Variants in DACH1 observed in about 807,000 individuals in gnomAD.
DACH1 encodes the protein dachshund family transcription factor 1, also known as dachshund homolog 1.
In DACH1, 12 loss-of-function variants were observed where a neutral mutation model predicts 54.2. The ratio of observed to expected loss-of-function variants is 0.22; its 90% confidence interval spans 0.14 to 0.36. The LOEUF (loss-of-function observed/expected upper bound fraction) is 0.36, where lower values mean the gene tolerates loss of function less well. Ranked by LOEUF, DACH1 falls within the 10% of genes least tolerant of loss-of-function variation. DACH1 has a pLI of 1.00. For synonymous variants in DACH1, 386 were observed against 366.2 expected, an observed-to-expected ratio of 1.05 and a Z score of -0.62; for missense variants, 805 against 929.8, an observed-to-expected ratio of 0.87 and a Z score of 1.75.
intron 1 of DACH1, among the ~76,000 whole-genome samples, chr13:71,800,408 C>T (rs938443984): frequency 6.6e-6 from 1 of 152,060 alleles, no homozygotes; most frequent in African/African-American, 2.4e-5. Flanking sequence ...GTTTTTAGAT[C>T]AGCACTCTCT....
At chr13:71,473,046 A>G (rs1212199209) in intron 10 of DACH1, among the ~76,000 whole-genome samples, 1 of 152,174 alleles carries the variant, frequency 6.6e-6, no homozygotes, top group Non-Finnish European at 1.5e-5. Flanking sequence ...CTGCTGGTAA[A>G]ATATCTTTTA....
rs564820799 is a variant in DACH1 at position 71,845,687 on chromosome 13, G to C, written c.848+20235C>G. On this transcript the variant is annotated intron_variant, in intron 1 of 10. Coordinates refer to ENST00000613252, the MANE Select transcript of DACH1 (RefSeq NM_080759.6). ...GATGGAATTGTGAAATAAGTATGGA[G>C]AGTGAACTAGAATTTGTCAAGAAAG... is the stretch of plus-strand genomic sequence containing the variant. Among the ~76,000 whole-genome samples the C allele has an allele frequency of 2.2e-4, 33 of 152,326 alleles. No individual in the cohort carries two copies. In the South Asian group the frequency reaches 6.4e-3, roughly 30 times the overall value.
chr13:71,703,769 A>G (rs1029191947), intron 1 of DACH1, among the ~76,000 whole-genome samples: 34 of 152,182 alleles, frequency 2.2e-4, no homozygotes, highest in African/African-American at 8.2e-4. Context: ...TTAATTCTGC[A>G]TTCACCCTTA....
intron 1 of DACH1, among the ~76,000 whole-genome samples, chr13:71,707,189 G>A (rs1882492404): frequency 6.6e-6 from 1 of 152,208 alleles, no homozygotes; most frequent in African/African-American, 2.4e-5. Flanking sequence ...CAGTAAGCAT[G>A]CTGTGTAAAT....
At chr13:71,641,666 T>C (rs1313692728) in intron 2 of DACH1, among the ~76,000 whole-genome samples, 1 of 152,140 alleles carries the variant, frequency 6.6e-6, no homozygotes, top group Non-Finnish European at 1.5e-5. Context: ...TGAGTTGTGG[T>C]CCATAGTCTC....
intron 4 of DACH1, among the ~76,000 whole-genome samples, chr13:71,571,855 G>C (rs142478740): frequency 0.015 from 2,266 of 151,388 alleles, 33 homozygotes; most frequent in African/African-American, 0.036. Flanking sequence ...CCTGCCTCAG[G>C]CTTCCGAGTA....
chr13:71,558,174 AC>A (rs1481243659), intron 5 of DACH1, among the ~76,000 whole-genome samples: 2 of 152,094 alleles, frequency 1.3e-5, no homozygotes, highest in East Asian at 3.8e-4. Flanking sequence ...TGACAGAAGC[AC>A]TAGGTGACAT....
chr13:71,731,890 T>C (rs1883766801), intron 1 of DACH1, among the ~76,000 whole-genome samples: 3 of 152,208 alleles, frequency 2.0e-5, no homozygotes, highest in Admixed American at 6.5e-5. Flanking sequence ...TCTGAGATCA[T>C]TTCAATACTC....
intron 1 of DACH1, among the ~76,000 whole-genome samples, chr13:71,748,899 T>TTTCTTTCTTTCC (rs1352890579): frequency 2.2e-3 from 34 of 15,394 alleles, no homozygotes; most frequent in African/African-American, 3.8e-3. Flanking sequence ...TCTTTCTTTC[T>TTTCTTTCTTTCC]CTTTCTTTCT....
At chr13:71,865,311 G>T (rs368793030) in intron 1 of DACH1, among the ~76,000 whole-genome samples, 6 of 152,148 alleles carry the variant, frequency 3.9e-5, no homozygotes, top group Non-Finnish European at 8.8e-5. Context: ...TCAGCTTCGC[G>T]GGTCATTTCC....
chr13:71,579,588 T>A (rs1213350638), intron 3 of DACH1, among the ~76,000 whole-genome samples: 1 of 152,118 alleles, frequency 6.6e-6, no homozygotes, highest in Non-Finnish European at 1.5e-5. Context: ...ATTAGGAAGC[T>A]GAAAATAGAC....
chr13:71,594,282 C>A (rs1299570499), intron 3 of DACH1, among the ~76,000 whole-genome samples: 2 of 151,806 alleles, frequency 1.3e-5, no homozygotes, highest in Admixed American at 6.6e-5. Context: ...AGGAATATAT[C>A]ATTAATTCTT....
At chr13:71,703,364 C>A (rs1483931119) in intron 1 of DACH1, among the ~76,000 whole-genome samples, 2 of 152,130 alleles carry the variant, frequency 1.3e-5, no homozygotes, top group East Asian at 3.9e-4. Context: ...CTGACATGGA[C>A]CAACATAGAT....
Position 71,866,485 on chromosome 13 carries a change from A to G in DACH1, c.285T>C (p.Gly95=), listed in dbSNP as rs1303377095. The G allele has an allele frequency of 6.5e-6, 8 of 1,226,496 alleles. No homozygotes were observed. The highest frequency in any genetic ancestry group is 8.1e-6 in the Non-Finnish European group (8 of 983,542). 76.0% of individuals were successfully genotyped at this position (1,226,496 alleles called of 1,614,324 possible). ...AGTTGCTGCCACCGCCGCCGCCGCCACCGCCGCCTCCGTTGCCGCTGCTGC... is the reference window on the plus strand; with the variant it reads ...AGTTGCTGCCACCGCCGCCGCCGCCGCCGCCGCCTCCGTTGCCGCTGCTGC... The part of the protein sequence containing the change: ...GGGSSGNGGG[G]GGGGGGSNCN... The change falls in exon 1 of 11, where the codon GGT becomes GGC. Residue 95 remains glycine, a synonymous_variant. Transcript: ENST00000613252.
rs541104815 is a variant in DACH1 at position 71,845,231 on chromosome 13, T to C, written c.848+20691A>G. On this transcript the variant is annotated intron_variant, in intron 1 of 10. Transcript: ENST00000613252. ...ATCCCATAAATATGTGCAATTGTTA[T>C]ATGTCAATTTTCTAAAAATGTTATT... Among the ~76,000 whole-genome samples, 7 of 152,088 alleles carry C rather than the reference T, an allele frequency of 4.6e-5. No individual in the cohort carries two copies. In the East Asian group the frequency reaches 1.3e-3, roughly 29 times the overall value.
intron 6 of DACH1, among the ~76,000 whole-genome samples, chr13:71,501,118 G>A (rs1879877240): frequency 1.3e-5 from 2 of 152,146 alleles, no homozygotes; most frequent in African/African-American, 4.8e-5. Flanking sequence ...TATCTCTCAT[G>A]TATTGATTTA....
At chr13:71,556,230 C>A (rs531405898) in intron 6 of DACH1, among the ~76,000 whole-genome samples, 1 of 152,116 alleles carries the variant, frequency 6.6e-6, no homozygotes, top group African/African-American at 2.4e-5. Context: ...AAGAAATACC[C>A]TTATTCACAA....
At chr13:71,613,476 TAGC>T (rs1875494291) in intron 3 of DACH1, among the ~76,000 whole-genome samples, 2 of 152,144 alleles carry the variant, frequency 1.3e-5, no homozygotes, top group African/African-American at 2.4e-5. Context: ...ATCATCACTG[TAGC>T]TGTTGCAAGG....
At chr13:71,636,531 C>A (rs956110686) in intron 2 of DACH1, among the ~76,000 whole-genome samples, 2 of 145,714 alleles carry the variant, frequency 1.4e-5, no homozygotes, top group African/African-American at 2.6e-5. Context: ...TCTAACAGAA[C>A]AAAACAACAC....
Sources: allele counts gnomAD v4.1 joint callset (sites outside exome capture counted in the v4.1 genomes callset), GRCh38; gene constraint gnomAD v4.1.1; transcripts MANE v1.5; gene names NCBI Gene and HGNC (gene_info 2026-07-23, HGNC 2026-07-21).